Variants in CLPB observed in about 807,000 individuals in gnomAD.
CLPB encodes the protein ClpB family mitochondrial disaggregase.
Under a neutral mutation model 78.4 loss-of-function variants are expected in CLPB, and 40 were observed. That is an observed-to-expected ratio of 0.51 (90% CI 0.40 to 0.66). CLPB has a LOEUF of 0.66. Among genes scored for constraint, CLPB ranks in the 30% least tolerant of loss-of-function variants. CLPB has a pLI of 0.00. For missense variants in CLPB, 780 were observed against 886.9 expected (o/e 0.88, Z 1.53); for synonymous variants, 333 against 348.0 (o/e 0.96, Z 0.48).
intron 5 of CLPB, among the ~76,000 whole-genome samples, chr11:72,354,018 A>G (rs916225125): frequency 6.6e-6 from 1 of 152,154 alleles, no homozygotes. Flanking sequence ...GGAGAAGTAC[A>G]TATGTCCTAA....
chr11:72,392,141 G>A (rs1020619840), intron 3 of CLPB, among the ~76,000 whole-genome samples: 2 of 151,888 alleles, frequency 1.3e-5, no homozygotes, highest in Non-Finnish European at 2.9e-5. Context: ...CCAGCTCCAG[G>A]TCATCCCTAC....
At chr11:72,299,272 C>A (rs1283373002) in intron 11 of CLPB, among the ~76,000 whole-genome samples, 1 of 152,308 alleles carries the variant, frequency 6.6e-6, no homozygotes, top group South Asian at 2.1e-4. Flanking sequence ...TTGTTAATGA[C>A]CCTCTCCCTT....
In CLPB at chr11:72,416,217, G is replaced by T. The variant is rs1299115453; in HGVS notation, c.456-13165C>A. Among the ~76,000 whole-genome samples, 4 of 152,038 alleles carry T rather than the reference G, an allele frequency of 2.6e-5. No individual in the cohort carries two copies. In the East Asian group the frequency reaches 7.7e-4, roughly 29 times the overall value. On this transcript the variant is annotated intron_variant, in intron 2 of 15. Transcript: ENST00000538039. ...TGTCTTTACTTACATTACTCCAACT[G>T]CCCAGAAAGTCTTTCTGCAAAGCTC...
intron 7 of CLPB, 62 bp downstream of exon 7, chr11:72,317,044 G>A (rs1949955319): frequency 1.7e-6 from 2 of 1,150,470 alleles, no homozygotes; most frequent in African/African-American, 3.1e-5. Flanking sequence ...CCAGTTTGGT[G>A]ACGACAGGAT....
chr11:72,308,392 G>C, intron 8 of CLPB, 135 bp downstream of exon 8: 1 of 690,962 alleles, frequency 1.4e-6, no homozygotes, highest in Non-Finnish European at 2.6e-6. Context: ...GTAATCTGGA[G>C]GCCGTTGCTT....
At chr11:72,421,827 A>G (rs1391324996) in intron 2 of CLPB, among the ~76,000 whole-genome samples, 1 of 152,216 alleles carries the variant, frequency 6.6e-6, no homozygotes, top group Non-Finnish European at 1.5e-5. Context: ...AAGCAATCAG[A>G]GCCTCAGCAA....
At chr11:72,295,838 G>A (rs1450036468) in intron 11 of CLPB, among the ~76,000 whole-genome samples, 190 bp from the exon 12 acceptor site, 8 of 152,196 alleles carry the variant, frequency 5.3e-5, no homozygotes, top group African/African-American at 1.7e-4. Flanking sequence ...TGTGCTCACC[G>A]CCCTGCGCTG....
At chr11:72,407,649 A>AT (rs994491508) in intron 2 of CLPB, among the ~76,000 whole-genome samples, 617 of 140,456 alleles carry the variant, frequency 4.4e-3, no homozygotes, top group Middle Eastern at 7.3e-3. Context: ...GCCACCTACT[A>AT]TTTTTTTTTT....
chr11:72,401,136 T>C (rs1028686589), intron 3 of CLPB, among the ~76,000 whole-genome samples: 6 of 152,198 alleles, frequency 3.9e-5, no homozygotes, highest in Non-Finnish European at 8.8e-5. Flanking sequence ...TTTATATCAA[T>C]TTTGCTTTTA....
intron 1 of CLPB, among the ~76,000 whole-genome samples, chr11:72,433,286 G>A (rs1417724017): frequency 6.6e-6 from 1 of 152,130 alleles, no homozygotes; most frequent in Non-Finnish European, 1.5e-5. Flanking sequence ...TTGGTCAGAC[G>A]CGGTGGCTCA....
At chr11:72,401,013 G>T (rs1855545215) in intron 3 of CLPB, among the ~76,000 whole-genome samples, 1 of 152,178 alleles carries the variant, frequency 6.6e-6, no homozygotes, top group Admixed American at 6.5e-5. Context: ...TTTACCTAAT[G>T]TTCATAGAAA....
chr11:72,335,128 T>C (rs1241450802), intron 5 of CLPB, among the ~76,000 whole-genome samples: 1 of 138,862 alleles, frequency 7.2e-6, no homozygotes, highest in Non-Finnish European at 1.5e-5. Flanking sequence ...AGGAAAGTAG[T>C]GTGGGGGGGT....
intron 5 of CLPB, chr11:72,351,341 T>C (rs938278721): frequency 6.6e-6 from 1 of 152,204 alleles, no homozygotes. Flanking sequence ...AGAGGCTCTA[T>C]TTTGCTCATT....
intron 9 of CLPB, chr11:72,304,314 G>C (rs1949709605): frequency 6.6e-6 from 1 of 152,222 alleles, no homozygotes; most frequent in Non-Finnish European, 1.5e-5. Flanking sequence ...ACAATCCAGT[G>C]AGACTGGCAC....
At chr11:72,417,019 CA>C (rs1335844495) in intron 2 of CLPB, among the ~76,000 whole-genome samples, 6 of 152,126 alleles carry the variant, frequency 3.9e-5, no homozygotes, top group African/African-American at 1.2e-4. Context: ...GGCAGTTCCT[CA>C]AAATGTTAAA....
intron 5 of CLPB, among the ~76,000 whole-genome samples, chr11:72,349,294 C>A (rs190253087): frequency 1.3e-5 from 2 of 152,330 alleles, no homozygotes; most frequent in South Asian, 4.1e-4. Flanking sequence ...ACCACACAGG[C>A]TTCTATTACT....
At chr11:72,396,116 T>C (rs7941873) in intron 3 of CLPB, among the ~76,000 whole-genome samples, 9,466 of 152,146 alleles carry the variant, frequency 0.062, 381 homozygotes, top group African/African-American at 0.11. Flanking sequence ...CAGCCAAGGA[T>C]GGCAGCACTT....
intron 5 of CLPB, among the ~76,000 whole-genome samples, chr11:72,356,628 G>A (rs993965235): frequency 6.6e-6 from 1 of 152,206 alleles, no homozygotes; most frequent in Non-Finnish European, 1.5e-5. Flanking sequence ...TAAAAAGGCA[G>A]GTGGGAGAAA....
At chr11:72,373,917 G>A (rs1951090169) in intron 4 of CLPB, among the ~76,000 whole-genome samples, 1 of 138,510 alleles carries the variant, frequency 7.2e-6, no homozygotes, top group African/African-American at 2.7e-5. Flanking sequence ...CCGAGATCAT[G>A]TCATTGCACT....
Sources: allele counts gnomAD v4.1 joint callset (sites outside exome capture counted in the v4.1 genomes callset), GRCh38; gene constraint gnomAD v4.1.1; transcripts MANE v1.5; gene names NCBI Gene and HGNC (gene_info 2026-07-23, HGNC 2026-07-21).